Variants in SUGCT observed in about 807,000 individuals in gnomAD.
SUGCT encodes succinyl-CoA:glutarate CoA-transferase.
Under a neutral mutation model 55.0 loss-of-function variants are expected in SUGCT, and 41 were observed. The ratio of observed to expected loss-of-function variants is 0.74; its 90% CI spans 0.58 to 0.97. SUGCT has a LOEUF of 0.97. Among genes scored for constraint, SUGCT ranks in the 50% least tolerant of loss-of-function variants. The pLI, the probability that SUGCT is intolerant of heterozygous loss-of-function variation, is 0.00. For missense variants in SUGCT, 568 were observed against 547.8 expected (o/e 1.04, Z -0.37); for synonymous variants, 187 against 200.4 (o/e 0.93, Z 0.56).
At chr7:40,726,824 G>T (rs1280250605) in intron 12 of SUGCT, among the ~76,000 whole-genome samples, 1 of 152,154 alleles carries the variant, frequency 6.6e-6, no homozygotes, top group Non-Finnish European at 1.5e-5. Flanking sequence ...GAACAAGTGT[G>T]ATCATCAGGG....
chr7:40,377,804 A>G (rs1784679245), intron 9 of SUGCT, among the ~76,000 whole-genome samples: 1 of 152,146 alleles, frequency 6.6e-6, no homozygotes. Flanking sequence ...ATTATTTTAT[A>G]ATTTTAATTT....
At chr7:40,985,420 A>T in the SUGCT span, among the ~76,000 whole-genome samples, 6 of 152,210 alleles carry the variant, frequency 3.9e-5, no homozygotes, top group Non-Finnish European at 8.8e-5. Flanking sequence ...AAATGACACG[A>T]CTTGAGTGCC....
chr7:40,239,986 A>G (rs904278643), intron 7 of SUGCT, among the ~76,000 whole-genome samples: 4 of 152,228 alleles, frequency 2.6e-5, no homozygotes, highest in Non-Finnish European at 5.9e-5. Flanking sequence ...CAGGACAGGC[A>G]CAGTCCTTAT....
chr7:40,804,464 G>A (rs1790983872), intron 13 of SUGCT, among the ~76,000 whole-genome samples: 1 of 152,006 alleles, frequency 6.6e-6, no homozygotes, highest in Non-Finnish European at 1.5e-5. Flanking sequence ...GAATCATGGG[G>A]ATGCCACACC....
At chr7:40,598,307 G>A (rs1324525585) in intron 12 of SUGCT, among the ~76,000 whole-genome samples, 1 of 152,172 alleles carries the variant, frequency 6.6e-6, no homozygotes, top group Non-Finnish European at 1.5e-5. Context: ...ACTATAGTTA[G>A]AGTGATGATT....
chr7:40,617,279 G>A (rs1362465770), intron 12 of SUGCT, among the ~76,000 whole-genome samples: 2 of 152,146 alleles, frequency 1.3e-5, no homozygotes, highest in African/African-American at 4.8e-5. Context: ...TAAAAGCTTT[G>A]AGAGGTCATC....
intron 1 of SUGCT, among the ~76,000 whole-genome samples, chr7:40,154,746 G>T (rs1343048228): frequency 1.3e-5 from 2 of 152,182 alleles, no homozygotes; most frequent in African/African-American, 2.4e-5. Context: ...CTGCGTATCT[G>T]TGCTATTCAG....
the SUGCT span, among the ~76,000 whole-genome samples, chr7:40,992,898 G>A: frequency 6.6e-6 from 1 of 152,218 alleles, no homozygotes; most frequent in South Asian, 2.1e-4. Context: ...TGAGCATTGT[G>A]AGAGAGGACT....
chr7:40,948,972 T>C, the SUGCT span, among the ~76,000 whole-genome samples: 1 of 152,218 alleles, frequency 6.6e-6, no homozygotes. Flanking sequence ...ATATACCCAG[T>C]AATGGGATGG....
rs1279653152 is a variant in SUGCT at position 40,849,222 on chromosome 7, C to T, written c.1154-11094C>T. Among the ~76,000 whole-genome samples the T allele has an allele frequency of 2.0e-5, 3 of 151,946 alleles. No individual in the cohort carries two copies. In the South Asian group the frequency reaches 6.2e-4, roughly 32 times the overall value. ...GATACTTTAAGAAGTTGATGATACC[C>T]ATGTCAGAAATTAAGAAAAAAATCA... On this transcript the variant is annotated intron_variant, in intron 13 of 13. Transcript: ENST00000335693.
In SUGCT at chr7:40,722,091, T is replaced by G. The variant is rs116668433; in HGVS notation, c.1090-27343T>G. 2.5e-3 allele frequency among the ~76,000 whole-genome samples: 387 copies of G among 152,252 alleles called. 1 individual carries two copies. The highest frequency in any genetic ancestry group is 8.9e-3 in the African/African-American group (371 of 41,550). On this transcript the variant is annotated intron_variant, in intron 12 of 13. Coordinates refer to ENST00000335693, the MANE Select transcript of SUGCT (RefSeq NM_001193313.2). The stretch of plus-strand genomic sequence containing the variant: ...AGTAATTTTTTTTTTTTAACGTCTT[T>G]GAATGATTTCGTCCACCACAAATTG...
intron 12 of SUGCT, among the ~76,000 whole-genome samples, chr7:40,680,584 C>T (rs895296573): frequency 1.3e-5 from 2 of 152,160 alleles, no homozygotes; most frequent in African/African-American, 4.8e-5. Flanking sequence ...ACTCTACTCA[C>T]CTCCCCACCC....
chr7:40,148,869 C>T (rs999389183), intron 1 of SUGCT, among the ~76,000 whole-genome samples: 3 of 152,140 alleles, frequency 2.0e-5, no homozygotes, highest in Admixed American at 1.3e-4. Context: ...AAATAGTTCT[C>T]TTTAGAATTT....
intron 9 of SUGCT, among the ~76,000 whole-genome samples, chr7:40,346,812 T>C (rs144098778): frequency 1.0e-3 from 153 of 152,294 alleles, no homozygotes; most frequent in African/African-American, 3.4e-3. Context: ...GTTCTCTCTT[T>C]CTCCTTGTAC....
chr7:40,997,259 T>A, the SUGCT span, among the ~76,000 whole-genome samples: 2 of 152,146 alleles, frequency 1.3e-5, no homozygotes, highest in African/African-American at 4.8e-5. Context: ...TCCCACTGAT[T>A]TTACTTCCTG....
intron 1 of SUGCT, chr7:40,153,621 A>G (rs1290114828): frequency 1.9e-6 from 1 of 522,552 alleles, no homozygotes; most frequent in Non-Finnish European, 3.9e-6. Flanking sequence ...ACCTTATGTT[A>G]TAATAGTCGA....
chr7:40,518,853 T>C (rs1352262478), intron 12 of SUGCT, among the ~76,000 whole-genome samples: 1 of 151,616 alleles, frequency 6.6e-6, no homozygotes, highest in Non-Finnish European at 1.5e-5. Context: ...CAAATGACAA[T>C]AAATAGACCA....
chr7:40,652,330 A>G (rs182631543), intron 12 of SUGCT, among the ~76,000 whole-genome samples: 1 of 152,308 alleles, frequency 6.6e-6, no homozygotes, highest in Admixed American at 6.5e-5. Flanking sequence ...GTGCACCTCT[A>G]TTCTATCAAC....
rs1292941632 is a variant in SUGCT, at chr7:40,314,559, CTTTT to C, written c.721-2182_721-2179del. ...ATAACTCCTATTGCATCCCTTGTGTCTTTTTTTTTTTTTTTTTTTTTTAAGACAG... is the reference window on the plus strand; with the variant it reads ...ATAACTCCTATTGCATCCCTTGTGTCTTTTTTTTTTTTTTTTTTAAGACAG... On this transcript the variant is annotated intron_variant, in intron 8 of 13. Coordinates refer to ENST00000335693, the MANE Select transcript of SUGCT (RefSeq NM_001193313.2). Among the ~76,000 whole-genome samples, 23 of 108,728 alleles carry C rather than the reference CTTTT, an allele frequency of 2.1e-4. No homozygotes were observed. In the South Asian group the frequency reaches 6.7e-3, roughly 32 times the overall value. 71.3% of individuals were successfully genotyped at this position (108,728 alleles called of 152,430 possible).
Sources: gnomAD v4.1 joint callset for allele counts (sites outside exome capture counted in the v4.1 genomes callset) on GRCh38, gnomAD v4.1.1 for gene constraint, MANE v1.5 for transcripts, NCBI Gene and HGNC (gene_info 2026-07-23, HGNC 2026-07-21) for gene names.